CENPP: variants seen among roughly 807,000 people sequenced by gnomAD.
The protein encoded by CENPP is centromere protein P.
In CENPP, 24 loss-of-function variants were observed where a neutral mutation model predicts 35.6. The observed-to-expected ratio is 0.67, with a 90% confidence interval of 0.49 to 0.95. The LOEUF (loss-of-function observed/expected upper bound fraction) is 0.95. Among genes scored for constraint, CENPP ranks in the 40% least tolerant of loss-of-function variants. The probability of loss-of-function intolerance (pLI) is 0.00; values close to 1 mark genes in which losing one functional copy is unlikely to be tolerated. For missense variants in CENPP, 332 were observed against 345.3 expected (o/e 0.96, Z 0.31); for synonymous variants, 120 against 125.5 (o/e 0.96, Z 0.29).
rs1851571989 is a variant in CENPP, at chr9:92,619,870, C to G, written c.*6721C>G. 2 of 406,898 alleles carry G rather than the reference C, an allele frequency of 4.9e-6. No homozygotes were observed. Among genetic ancestry groups the G allele is most frequent in the South Asian group, 3.2e-5 (1 of 31,272 alleles). The allele number at this position is 406,898 out of a possible 1,614,324, so 25.2% of individuals were successfully genotyped here. On this transcript the variant is annotated 3_prime_UTR_variant, in exon 8 of 8. Coordinates refer to ENST00000375587, the MANE Select transcript of CENPP (RefSeq NM_001012267.3). Reference sequence around the variant, plus strand: ...TGATCTGTCTTCAGCAAGGTCACCACAGTCGGCCTTTGGAAGGAAAAGCAG... The same window carrying G: ...TGATCTGTCTTCAGCAAGGTCACCAGAGTCGGCCTTTGGAAGGAAAAGCAG...
At chr9:92,419,142 TCTAGGG>T (rs1843708472) in intron 5 of CENPP, among the ~76,000 whole-genome samples, 1 of 152,114 alleles carries the variant, frequency 6.6e-6, no homozygotes. Context: ...AACTTGAAGT[TCTAGGG>T]AAGGGTCAAT....
chr9:92,612,381 T>C (rs1851285674), intron 6 of CENPP, 142 bp from the exon 7 acceptor site: 1 of 667,032 alleles, frequency 1.5e-6, no homozygotes, highest in African/African-American at 1.8e-5. Flanking sequence ...TGCTACTGAC[T>C]GTGCCTCTTC....
chr9:92,328,769 C>T (rs1840645879), intron 1 of CENPP, among the ~76,000 whole-genome samples: 1 of 152,188 alleles, frequency 6.6e-6, no homozygotes, highest in South Asian at 2.1e-4. Context: ...CTCAAACTAA[C>T]ATCATTAGTT....
At chr9:92,517,748 G>A (rs2131222329) in intron 5 of CENPP, 1 of 1,614,156 alleles carries the variant, frequency 6.2e-7, no homozygotes, top group South Asian at 1.1e-5. Context: ...GGCACCTCTG[G>A]GGATGGCACA....
chr9:92,609,463 G>A (rs936525845), intron 5 of CENPP, among the ~76,000 whole-genome samples: 10 of 152,366 alleles, frequency 6.6e-5, no homozygotes, highest in Non-Finnish European at 4.4e-5. Context: ...TGTCAGGCCA[G>A]ATGCTTCTCA....
intron 5 of CENPP, among the ~76,000 whole-genome samples, chr9:92,553,306 G>C (rs1293124780): frequency 6.6e-6 from 1 of 152,130 alleles, no homozygotes; most frequent in Admixed American, 6.5e-5. Flanking sequence ...CTGTTTTGGT[G>C]ACTGTGGCCT....
chr9:92,515,058 T>C, intron 5 of CENPP: 1 of 1,614,190 alleles, frequency 6.2e-7, no homozygotes, highest in South Asian at 1.1e-5. Flanking sequence ...ATTGAAGTGC[T>C]TCTTTTCTTA....
chr9:92,456,171 G>A (rs1844870971), intron 5 of CENPP: 1 of 152,168 alleles, frequency 6.6e-6, no homozygotes, highest in South Asian at 2.1e-4. Context: ...ATATTGCTGG[G>A]TGGGTGAAGA....
chr9:92,495,580 G>A, intron 5 of CENPP: 1 of 979,204 alleles, frequency 1.0e-6, no homozygotes. Flanking sequence ...GAGGAATAGT[G>A]AAGGTAATCT....
At chr9:92,379,119 A>T (rs1842188755) in intron 4 of CENPP, among the ~76,000 whole-genome samples, 1 of 152,250 alleles carries the variant, frequency 6.6e-6, no homozygotes, top group African/African-American at 2.4e-5. Context: ...GCATTTTATT[A>T]TGAAGGATAC....
At chr9:92,429,175 G>T (rs1417033848) in intron 5 of CENPP, among the ~76,000 whole-genome samples, 15 of 152,072 alleles carry the variant, frequency 9.9e-5, no homozygotes, top group Admixed American at 9.8e-4. Flanking sequence ...CCTCCAATGT[G>T]CATCTTCTTC....
chr9:92,471,957 AAGTG>A (rs1413870051), intron 5 of CENPP, among the ~76,000 whole-genome samples: 1 of 152,148 alleles, frequency 6.6e-6, no homozygotes, highest in Non-Finnish European at 1.5e-5. Context: ...CTCACTCCTG[AAGTG>A]TAGTCATACA....
At chr9:92,411,702 C>A (rs1433974053) in intron 5 of CENPP, among the ~76,000 whole-genome samples, 1 of 152,104 alleles carries the variant, frequency 6.6e-6, no homozygotes, top group African/African-American at 2.4e-5. Context: ...ATTGAAACTC[C>A]AGAGCTCTGA....
intron 5 of CENPP, among the ~76,000 whole-genome samples, chr9:92,471,749 C>T (rs967452449): frequency 6.6e-6 from 1 of 151,620 alleles, no homozygotes; most frequent in Non-Finnish European, 1.5e-5. Context: ...TCACTGCAAC[C>T]TCCACCTCCT....
intron 5 of CENPP, chr9:92,457,026 T>C: frequency 1.7e-6 from 2 of 1,189,488 alleles, no homozygotes; most frequent in Non-Finnish European, 1.0e-6. Flanking sequence ...AAGAAAGGAA[T>C]GGTCAAGCAT....
chr9:92,497,577 T>G (rs1372201453), intron 5 of CENPP, among the ~76,000 whole-genome samples: 2 of 148,980 alleles, frequency 1.3e-5, no homozygotes, highest in Non-Finnish European at 3.0e-5. Context: ...TGAGCTGAGA[T>G]CACGCCGTTG....
chr9:92,611,488 C>A, intron 6 of CENPP, 95 bp downstream of exon 6: 2 of 948,562 alleles, frequency 2.1e-6, no homozygotes, highest in South Asian at 1.5e-5. Flanking sequence ...TAGTAAACTA[C>A]CTAACCAAGA....
chr9:92,463,192 A>G (rs1305746362), intron 5 of CENPP, among the ~76,000 whole-genome samples: 1 of 152,208 alleles, frequency 6.6e-6, no homozygotes, highest in Non-Finnish European at 1.5e-5. Flanking sequence ...TCCTGAACGA[A>G]TAGGAAAGAA....
At chr9:92,393,326 G>T in intron 5 of CENPP, 2 of 1,052,198 alleles carry the variant, frequency 1.9e-6, no homozygotes, top group Non-Finnish European at 2.7e-6. Context: ...TTGCTATTAT[G>T]AATGCTATTA....
Sources: allele counts gnomAD v4.1 joint callset (sites outside exome capture counted in the v4.1 genomes callset), GRCh38; gene constraint gnomAD v4.1.1; transcripts MANE v1.5; gene names NCBI Gene and HGNC (gene_info 2026-07-23, HGNC 2026-07-21).